The following KCTD16 variants were observed in gnomAD, a reference collection of about 807,000 sequenced individuals.
KCTD16 encodes the protein BTB/POZ domain-containing protein KCTD16.
Under a neutral mutation model 33.2 loss-of-function variants are expected in KCTD16, and 13 were observed. The observed-to-expected ratio is 0.39, with a 90% CI of 0.25 to 0.62. The LOEUF (loss-of-function observed/expected upper bound fraction) is 0.62, where lower values mean the gene tolerates loss of function less well. Among genes scored for constraint, KCTD16 ranks in the 20% least tolerant of loss-of-function variants. The pLI is 0.50. For synonymous variants in KCTD16, 197 were observed against 195.3 expected, an observed-to-expected ratio of 1.01 and a Z score of -0.07; for missense variants, 441 against 525.1, an observed-to-expected ratio of 0.84 and a Z score of 1.57.
At chr5:144,472,739 C>T (rs1754506200) in intron 3 of KCTD16, among the ~76,000 whole-genome samples, 1 of 152,110 alleles carries the variant, frequency 6.6e-6, no homozygotes, top group African/African-American at 2.4e-5. Flanking sequence ...CAAAATGTAA[C>T]ATGTGCAATA....
chr5:144,313,905 A>G (rs192360649), intron 3 of KCTD16, among the ~76,000 whole-genome samples: 3 of 152,314 alleles, frequency 2.0e-5, no homozygotes, highest in Non-Finnish European at 4.4e-5. Flanking sequence ...TCACATTGAA[A>G]AGAATCTGGA....
rs888462183 is a variant in KCTD16, at chr5:144,355,158, G to A, written c.833-118502G>A. Among the ~76,000 whole-genome samples the A allele has an allele frequency of 5.7e-4, 87 of 152,028 alleles. 1 individual carries two copies. The highest frequency in any genetic ancestry group is 2.0e-3 in the African/African-American group (81 of 41,398). On this transcript the variant is annotated intron_variant, in intron 3 of 3. Coordinates refer to ENST00000512467, the MANE Select transcript of KCTD16 (RefSeq NM_020768.4). Reference sequence around the variant, plus strand: ...ACAGACCTACTACCGCCATGTTTACGGCTTGCCCTCCAGTCATTATACAGA... The same window carrying A: ...ACAGACCTACTACCGCCATGTTTACAGCTTGCCCTCCAGTCATTATACAGA...
chr5:144,368,676 C>T (rs1751894148), intron 3 of KCTD16, among the ~76,000 whole-genome samples: 1 of 152,058 alleles, frequency 6.6e-6, no homozygotes, highest in Non-Finnish European at 1.5e-5. Flanking sequence ...GAGTTCTGAC[C>T]CATGCAAACT....
chr5:144,243,253 A>T (rs2126823507), intron 3 of KCTD16, among the ~76,000 whole-genome samples: 1 of 152,312 alleles, frequency 6.6e-6, no homozygotes, highest in Non-Finnish European at 1.5e-5. Context: ...TGATTGAGAT[A>T]GTGGCTGTCA....
intron 3 of KCTD16, among the ~76,000 whole-genome samples, chr5:144,301,959 G>A (rs574906800): frequency 6.6e-6 from 1 of 152,314 alleles, no homozygotes; most frequent in South Asian, 2.1e-4. Context: ...TTCTGTGGCA[G>A]TCACTCTTCT....
At chr5:144,233,476 AAG>A (rs796870493) in intron 3 of KCTD16, among the ~76,000 whole-genome samples, 1 of 152,250 alleles carries the variant, frequency 6.6e-6, no homozygotes, top group African/African-American at 2.4e-5. Flanking sequence ...AAAAAAGAAA[AAG>A]AGGAAAGAAA....
chr5:144,334,641 T>G (rs1484843598), intron 3 of KCTD16, among the ~76,000 whole-genome samples: 1 of 152,172 alleles, frequency 6.6e-6, no homozygotes, highest in South Asian at 2.1e-4. Context: ...CTATGGAAAT[T>G]AATATTTTTC....
Position 144,482,882 on chromosome 5 carries a change from ACTT to A in KCTD16, c.*8769_*8771del, listed in dbSNP as rs1237307792. 4 of 151,748 alleles carry A rather than the reference ACTT, an allele frequency of 2.6e-5. No homozygotes were observed. Among genetic ancestry groups the A allele is most frequent in the Admixed American group, 6.6e-5 (1 of 15,192 alleles). The allele number at this position is 151,748 out of a possible 1,614,324, so 9.4% of individuals were successfully genotyped here. A position where few individuals can be genotyped will look rare whatever the true frequency, so the allele number is the denominator to read the frequency against. On this transcript the variant is annotated 3_prime_UTR_variant, in exon 4 of 4. Coordinates refer to ENST00000512467, the MANE Select transcript of KCTD16 (RefSeq NM_020768.4). The stretch of plus-strand genomic sequence containing the variant: ...AACTTTGGAATTTTCAGTTTGGAGA[ACTT>A]ATTATTATTACAATTTATATTTGGT...
At chr5:144,304,977 CTTTTTTTTTTT>C (rs146638360) in intron 3 of KCTD16, among the ~76,000 whole-genome samples, 71 of 83,416 alleles carry the variant, frequency 8.5e-4, no homozygotes, top group Admixed American at 1.1e-3. Context: ...ATATCAAAAT[CTTTTTTTTTTT>C]TTTTTTTTTT....
chr5:144,429,885 G>T (rs1435160110), intron 3 of KCTD16, among the ~76,000 whole-genome samples: 1 of 151,290 alleles, frequency 6.6e-6, no homozygotes, highest in Non-Finnish European at 1.5e-5. Context: ...TAAATCTAAA[G>T]ACCAAAGCAA....
Position 144,207,445 on chromosome 5 carries a change from G to A in KCTD16, c.731G>A (p.Gly244Glu). The change falls in exon 3 of 4, where the codon GGA (glycine) becomes GAA (glutamate). Residue 244 changes from glycine (G) to glutamate (E), a missense_variant. Physicochemically the swap from Gly to Glu is moderately conservative, Grantham distance 98. Around this residue, in one of 3 missense-constraint regions of KCTD16, gnomAD observed 355 missense variants for 413.0 expected, o/e 0.86. Transcript: ENST00000512467. The part of the protein sequence containing the change: ...ERAFDMLSEC[G>E]FHMVACNSSV... ...GCTTTTGATATGTTGTCAGAGTGTG[G>A]ATTCCACATGGTGGCCTGTAACTCA... The A allele has an allele frequency of 1.2e-6, 2 of 1,614,186 alleles. No individual in the cohort carries two copies. The highest frequency in any genetic ancestry group is 2.2e-5 in the South Asian group (2 of 91,076).
intron 3 of KCTD16, among the ~76,000 whole-genome samples, chr5:144,284,247 T>C (rs1755681521): frequency 1.3e-5 from 2 of 152,136 alleles, no homozygotes; most frequent in Admixed American, 1.3e-4. Context: ...CTGTTGCAAA[T>C]AGCATGGACT....
At chr5:144,416,023 A>C (rs1372155216) in intron 3 of KCTD16, among the ~76,000 whole-genome samples, 3 of 152,174 alleles carry the variant, frequency 2.0e-5, no homozygotes, top group African/African-American at 4.8e-5. Context: ...TCTATTAAAA[A>C]TATTACTGTC....
At chr5:144,394,262 C>A (rs774888349) in intron 3 of KCTD16, among the ~76,000 whole-genome samples, 19 of 152,034 alleles carry the variant, frequency 1.2e-4, no homozygotes, top group Admixed American at 6.6e-5. Context: ...AAACTCTTTT[C>A]AATATACTTT....
intron 3 of KCTD16, among the ~76,000 whole-genome samples, chr5:144,422,076 T>TA (rs958546210): frequency 3.3e-5 from 5 of 152,180 alleles, no homozygotes; most frequent in African/African-American, 1.2e-4. Context: ...CTCTGACTCT[T>TA]AAATGTCATC....
At chr5:144,384,544 TTATTA>T (rs1389107682) in intron 3 of KCTD16, among the ~76,000 whole-genome samples, 7 of 152,324 alleles carry the variant, frequency 4.6e-5, no homozygotes, top group Admixed American at 2.0e-4. Flanking sequence ...AAAATTTTAT[TTATTA>T]TAACATTGTT....
chr5:144,179,262 C>T (rs1414348193), intron 2 of KCTD16, among the ~76,000 whole-genome samples: 9 of 152,158 alleles, frequency 5.9e-5, no homozygotes, highest in Admixed American at 5.9e-4. Context: ...CAGGCAGGTT[C>T]CCCTATCAGC....
chr5:144,182,754 GAGAGAGAA>G (rs1325602986), intron 2 of KCTD16, among the ~76,000 whole-genome samples: 2 of 151,908 alleles, frequency 1.3e-5, no homozygotes, highest in African/African-American at 4.8e-5. Flanking sequence ...CTGAGAGAGA[GAGAGAGAA>G]AGAGAGAGAG....
chr5:144,381,134 A>T (rs928515581), intron 3 of KCTD16, among the ~76,000 whole-genome samples: 2 of 152,228 alleles, frequency 1.3e-5, no homozygotes, highest in African/African-American at 4.8e-5. Context: ...CCCATTAAAA[A>T]ATGAGCAAAG....
Sources: allele counts gnomAD v4.1 joint callset (sites outside exome capture counted in the v4.1 genomes callset), GRCh38; gene constraint gnomAD v4.1.1; regional missense constraint gnomAD v4.1.1; transcripts MANE v1.5; gene names NCBI Gene and HGNC (gene_info 2026-07-23, HGNC 2026-07-21).